Variants in GOLGA3 observed in about 807,000 individuals in gnomAD.
The protein encoded by GOLGA3 is golgin A3.
GOLGA3 carries 75 observed loss-of-function variants against 169.4 expected under a neutral mutation model. The ratio of observed to expected loss-of-function variants is 0.44; its 90% CI spans 0.37 to 0.54. The LOEUF (loss-of-function observed/expected upper bound fraction) is 0.54. GOLGA3 is among the 20% of genes least tolerant of loss of function. The pLI, the probability that GOLGA3 is intolerant of heterozygous loss-of-function variation, is 0.00. For missense variants in GOLGA3, 1,899 were observed against 1,930.0 expected, an observed-to-expected ratio of 0.98 and a Z score of 0.30; for synonymous variants, 824 against 822.4, an observed-to-expected ratio of 1.00 and a Z score of -0.03.
rs1048032859 is a variant in GOLGA3, at chr12:132,822,090, C to T, written c.39G>A (p.Glu13=). The stretch of plus-strand genomic sequence containing the variant: ...ACGAGGGGCCACTGTGGGATCTGTC[C>T]TCCTGGAGGCCATCTTGCTCGGCCG... ...GASAEQDGLQ[E]DRSHSGPSSL... Residue 13 remains glutamate, a synonymous_variant, in exon 2 of 24, where the codon GAG becomes GAA. Coordinates refer to ENST00000450791, the MANE Select transcript of GOLGA3 (RefSeq NM_001389683.1). 3.7e-6 allele frequency: 6 copies of T among 1,608,232 alleles called. No individual in the cohort carries two copies. Among genetic ancestry groups the T allele is most frequent in the African/African-American group, 2.7e-5 (2 of 74,448 alleles).
intron 1 of GOLGA3, chr12:132,825,966 G>A (rs1950395850): frequency 9.1e-6 from 9 of 986,700 alleles, no homozygotes; most frequent in South Asian, 5.1e-5. Flanking sequence ...ACTGTCATCC[G>A]CCGAGACTAC....
intron 11 of GOLGA3, among the ~76,000 whole-genome samples, chr12:132,795,409 T>C (rs1483635049): frequency 6.6e-6 from 1 of 151,636 alleles, no homozygotes; most frequent in African/African-American, 2.4e-5. Flanking sequence ...GGCGGATCAC[T>C]TGAGGTTAGG....
At chr12:132,780,695 G>A in intron 18 of GOLGA3, 103 bp downstream of exon 18, 1 of 761,674 alleles carries the variant, frequency 1.3e-6, no homozygotes, top group South Asian at 1.5e-5. Context: ...CCTTTGCTCT[G>A]TGTAACTGCT....
rs776188873 is a variant in GOLGA3, at chr12:132,796,089, C to A, written c.2232G>T (p.Gln744His). 6.2e-7 allele frequency: 1 copy of A among 1,613,164 alleles called. No homozygotes were observed. Among genetic ancestry groups the A allele is most frequent in the Non-Finnish European group, 8.5e-7 (1 of 1,179,930 alleles). Residue 744 changes from glutamine (Q) to histidine (H), a missense_variant, in exon 11 of 24, where the codon CAG (glutamine) becomes CAT (histidine). Gln to His is a conservative substitution (Grantham distance 24). Coordinates refer to ENST00000450791, the MANE Select transcript of GOLGA3 (RefSeq NM_001389683.1). ...QSREQSLDAL[Q>H]THYDELQARL... The stretch of plus-strand genomic sequence containing the variant: ...TGGCCTGCAGCTCATCGTAGTGTGT[C>A]TGCAGGGCATCGAGGGACTGCTCCC...
chr12:132,781,333 A>C lies in GOLGA3; in HGVS notation c.3466-419T>G, dbSNP rs1299695830. On this transcript the variant is annotated intron_variant, in intron 17 of 23. Coordinates refer to ENST00000450791, the MANE Select transcript of GOLGA3 (RefSeq NM_001389683.1). ...TCCCAGCACTTTGGGAGGCCGAGGC[A>C]GGCGGATGACAGTCAGAAAATCGAG... Among the ~76,000 whole-genome samples the C allele has an allele frequency of 2.0e-5, 3 of 152,154 alleles. 1 individual carries two copies. The highest frequency in any genetic ancestry group is 4.4e-5 in the Non-Finnish European group (3 of 68,014).
In GOLGA3 at chr12:132,771,004, T is replaced by C. The variant is rs934186393; in HGVS notation, c.*2101A>G. The C allele has an allele frequency of 3.3e-5, 5 of 152,596 alleles. No individual in the cohort carries two copies. The highest frequency in any genetic ancestry group is 6.5e-5 in the Admixed American group (1 of 15,268). The allele number at this position is 152,596 out of a possible 1,614,324, so 9.5% of individuals were successfully genotyped here. On this transcript the variant is annotated 3_prime_UTR_variant, in exon 24 of 24. Transcript: ENST00000450791. The stretch of plus-strand genomic sequence containing the variant: ...AAATAAATAAGAACGTAAATTGCCG[T>C]ATTTTTTTTTCTAATGGTACAAGAA...
At chr12:132,776,794 A>C in intron 20 of GOLGA3, 38 bp from the exon 21 acceptor site, 1 of 1,609,254 alleles carries the variant, frequency 6.2e-7, no homozygotes, top group South Asian at 1.1e-5. Flanking sequence ...AAGAATATTA[A>C]AGTGGCTTTA....
intron 8 of GOLGA3, among the ~76,000 whole-genome samples, chr12:132,801,157 A>G (rs1454315959): frequency 6.6e-6 from 1 of 152,230 alleles, no homozygotes; most frequent in Non-Finnish European, 1.5e-5. Flanking sequence ...ACACTCCCAC[A>G]TATGCGGGAC....
intron 9 of GOLGA3, among the ~76,000 whole-genome samples, chr12:132,797,412 G>A (rs1948900567): frequency 6.6e-6 from 1 of 152,128 alleles, no homozygotes; most frequent in South Asian, 2.1e-4. Context: ...CTATCGAGTA[G>A]GTGACACTAT....
intron 2 of GOLGA3, among the ~76,000 whole-genome samples, chr12:132,820,832 G>A (rs2136764477): frequency 6.6e-6 from 1 of 152,236 alleles, no homozygotes; most frequent in African/African-American, 2.4e-5. Flanking sequence ...AGGCACAGTG[G>A]CTCACTCCTG....
At chr12:132,788,943 C>CCCCCCA in intron 13 of GOLGA3, 84 bp downstream of exon 13, 8 of 1,177,940 alleles carry the variant, frequency 6.8e-6, no homozygotes, top group East Asian at 2.9e-5. Context: ...ACACAGGCCC[C>CCCCCCA]GCCCCAGACA....
intron 2 of GOLGA3, among the ~76,000 whole-genome samples, chr12:132,819,917 C>T (rs192923083): frequency 2.0e-5 from 3 of 152,314 alleles, no homozygotes; most frequent in Admixed American, 2.0e-4. Flanking sequence ...CGGTGGCTCA[C>T]GCCTGCAATC....
chr12:132,783,925 A>G, intron 16 of GOLGA3: 1 of 1,435,482 alleles, frequency 7.0e-7, no homozygotes, highest in East Asian at 2.5e-5. Context: ...GAAGGGTTCC[A>G]CTATGAATTC....
chr12:132,779,717 ACAC>A (rs2045446618), intron 18 of GOLGA3, among the ~76,000 whole-genome samples: 2 of 150,696 alleles, frequency 1.3e-5, no homozygotes, highest in Non-Finnish European at 3.0e-5. Context: ...GCATGCACAC[ACAC>A]CACAGCCCAG....
intron 1 of GOLGA3, among the ~76,000 whole-genome samples, chr12:132,827,322 C>T (rs1950463627): frequency 6.6e-6 from 1 of 152,220 alleles, no homozygotes; most frequent in Admixed American, 6.5e-5. Flanking sequence ...CCTCATGTCA[C>T]TGCAGAGACG....
chr12:132,822,816 G>A (rs1405179524), intron 1 of GOLGA3, among the ~76,000 whole-genome samples: 1 of 152,178 alleles, frequency 6.6e-6, no homozygotes, highest in African/African-American at 2.4e-5. Flanking sequence ...CAGCTACTCG[G>A]GAGGCTGAGG....
chr12:132,780,388 A>G (rs1028280734), intron 18 of GOLGA3, among the ~76,000 whole-genome samples: 1 of 152,210 alleles, frequency 6.6e-6, no homozygotes, highest in Non-Finnish European at 1.5e-5. Flanking sequence ...CGTGTCAGTG[A>G]ACACCTGAAG....
At position 132,769,703 on chromosome 12, in the gene GOLGA3, T is replaced by C. The variant is rs2044813882; in HGVS notation, c.*3402A>G. 1 of 152,084 alleles carries C rather than the reference T, an allele frequency of 6.6e-6. No individual in the cohort carries two copies. The highest frequency in any genetic ancestry group is 2.4e-5 in the African/African-American group (1 of 41,412). The allele number at this position is 152,084 out of a possible 1,614,324, so 9.4% of individuals were successfully genotyped here. ...CGGTGTGGGGATGAACACGCCGCCC[T>C]AGCCCGTGACACACGGCGTGGGGAT... On this transcript the variant is annotated 3_prime_UTR_variant, in exon 24 of 24. Transcript: ENST00000450791.
Position 132,825,884 on chromosome 12 carries a change from T to C in GOLGA3, c.-184+2919A>G, listed in dbSNP as rs1031637080. The C allele has an allele frequency of 5.3e-5, 51 of 967,000 alleles. No homozygotes were observed. In the Admixed American group the frequency reaches 8.6e-4, roughly 16 times the overall value. 59.9% of individuals were successfully genotyped at this position (967,000 alleles called of 1,614,324 possible). On this transcript the variant is annotated intron_variant, in intron 1 of 23. Coordinates refer to ENST00000450791, the MANE Select transcript of GOLGA3 (RefSeq NM_001389683.1). ...CACCTACATTGACAAGAAATGCCCC[T>C]TCACTGGTGATGTCTCCATTCGAGG... is the stretch of plus-strand genomic sequence containing the variant.
Sources: gnomAD v4.1 joint callset for allele counts (sites outside exome capture counted in the v4.1 genomes callset) on GRCh38, gnomAD v4.1.1 for gene constraint, MANE v1.5 for transcripts, NCBI Gene and HGNC (gene_info 2026-07-23, HGNC 2026-07-21) for gene names.